Variants in ANO6 observed in about 807,000 individuals in gnomAD.
ANO6 encodes the protein anoctamin-6.
Under a neutral mutation model 117.5 loss-of-function variants are expected in ANO6, and 106 were observed. The observed-to-expected ratio is 0.90, with a 90% confidence interval of 0.77 to 1.06. ANO6 has a LOEUF of 1.06. ANO6 is among the 50% of genes least tolerant of loss of function. The probability of loss-of-function intolerance (pLI) is 0.00; values close to 1 mark genes in which losing one functional copy is unlikely to be tolerated. For missense variants in ANO6, 955 were observed against 1,121.1 expected, an observed-to-expected ratio of 0.85 and a Z score of 2.12; for synonymous variants, 367 against 385.1, an observed-to-expected ratio of 0.95 and a Z score of 0.55.
At chr12:45,216,474 C>A in intron 1 of ANO6, 83 bp downstream of exon 1, 1 of 1,483,982 alleles carries the variant, frequency 6.7e-7, no homozygotes, top group Non-Finnish European at 9.2e-7. Context: ...GGGCGCTGTG[C>A]TCTCCGCGGG....
intron 12 of ANO6, among the ~76,000 whole-genome samples, 170 bp downstream of exon 12, chr12:45,390,668 A>G (rs1942425027): frequency 6.6e-6 from 1 of 152,234 alleles, no homozygotes; most frequent in South Asian, 2.1e-4. Flanking sequence ...GCCACCACAT[A>G]GAGCAACTCC....
chr12:45,335,943 G>T (rs1940811438), intron 3 of ANO6, among the ~76,000 whole-genome samples: 1 of 151,872 alleles, frequency 6.6e-6, no homozygotes, highest in Admixed American at 6.6e-5. Flanking sequence ...GTCTACAAAT[G>T]ATGACAATTT....
chr12:45,270,199 C>T (rs928308476), intron 1 of ANO6, among the ~76,000 whole-genome samples: 4 of 152,184 alleles, frequency 2.6e-5, no homozygotes, highest in African/African-American at 9.7e-5. Context: ...CCACCTGAAA[C>T]GACCTTTCAG....
At chr12:45,360,150 A>G (rs760359216) in intron 8 of ANO6, among the ~76,000 whole-genome samples, 54 of 152,192 alleles carry the variant, frequency 3.5e-4, no homozygotes, top group Admixed American at 3.5e-3. Flanking sequence ...TATATTTGGG[A>G]TAGAAGTCTC....
At chr12:45,395,763 C>T (rs1185111913) in intron 12 of ANO6, among the ~76,000 whole-genome samples, 7 of 152,156 alleles carry the variant, frequency 4.6e-5, no homozygotes, top group Admixed American at 4.6e-4. Flanking sequence ...TCAATAGATG[C>T]AGAAAAGGCC....
At chr12:45,276,472 A>G (rs1592906706) in intron 1 of ANO6, among the ~76,000 whole-genome samples, 1 of 151,882 alleles carries the variant, frequency 6.6e-6, no homozygotes, top group African/African-American at 2.4e-5. Context: ...CTTCAGAACT[A>G]TGGTCTTGTT....
At chr12:45,406,345 A>G (rs2137646130) in intron 15 of ANO6, among the ~76,000 whole-genome samples, 1 of 152,322 alleles carries the variant, frequency 6.6e-6, no homozygotes, top group South Asian at 2.1e-4. Flanking sequence ...TAGTGTTTTG[A>G]TATTTAAGGT....
intron 1 of ANO6, among the ~76,000 whole-genome samples, chr12:45,274,630 G>C (rs1242480536): frequency 6.6e-6 from 1 of 151,766 alleles, no homozygotes; most frequent in Non-Finnish European, 1.5e-5. Flanking sequence ...CCTTTATACT[G>C]TCTGTAGTGG....
intron 1 of ANO6, among the ~76,000 whole-genome samples, chr12:45,224,336 C>A (rs183216832): frequency 7.9e-5 from 12 of 152,160 alleles, no homozygotes; most frequent in Non-Finnish European, 1.2e-4. Flanking sequence ...CTTGATACAC[C>A]CTGGCCTTAT....
chr12:45,220,514 C>T (rs761364890), intron 1 of ANO6, among the ~76,000 whole-genome samples: 1 of 152,154 alleles, frequency 6.6e-6, no homozygotes, highest in Non-Finnish European at 1.5e-5. Context: ...ATTGATTGAG[C>T]AATCCTTCTG....
At chr12:45,277,959 T>C (rs1366921507) in intron 1 of ANO6, among the ~76,000 whole-genome samples, 2 of 152,114 alleles carry the variant, frequency 1.3e-5, no homozygotes, top group Non-Finnish European at 2.9e-5. Flanking sequence ...AAAATTATTA[T>C]ATGTATTTTT....
chr12:45,264,669 C>T (rs895814341), intron 1 of ANO6, among the ~76,000 whole-genome samples: 1 of 152,168 alleles, frequency 6.6e-6, no homozygotes, highest in African/African-American at 2.4e-5. Flanking sequence ...TGGATACATA[C>T]ATATTTATGT....
intron 9 of ANO6, among the ~76,000 whole-genome samples, chr12:45,376,840 C>T (rs1259512805): frequency 6.9e-6 from 1 of 144,828 alleles, no homozygotes; most frequent in Non-Finnish European, 1.5e-5. Flanking sequence ...TACCCTAAAA[C>T]TTAAAGTATA....
chr12:45,289,217 A>T (rs1939017722), intron 1 of ANO6, among the ~76,000 whole-genome samples: 1 of 149,514 alleles, frequency 6.7e-6, no homozygotes, highest in African/African-American at 2.5e-5. Flanking sequence ...CCCAGGCTCA[A>T]GTGCAGGGGT....
chr12:45,267,914 A>G (rs1162904849), intron 1 of ANO6, among the ~76,000 whole-genome samples: 1 of 152,238 alleles, frequency 6.6e-6, no homozygotes, highest in Non-Finnish European at 1.5e-5. Context: ...CAGGTATATG[A>G]AAAGATAAGT....
chr12:45,224,408 GTATACATTATA>G (rs143745839), intron 1 of ANO6, among the ~76,000 whole-genome samples: 2,900 of 152,204 alleles, frequency 0.019, 97 homozygotes, highest in African/African-American at 0.066. Flanking sequence ...GTATAAATAT[GTATACATTATA>G]TATACATATG....
Position 45,429,286 on chromosome 12 carries a change from AC to A in ANO6, c.2709del (p.Asn903LysfsTer14). 6.2e-7 allele frequency: 1 copy of A among 1,613,720 alleles called. No homozygotes were observed. The highest frequency in any genetic ancestry group is 8.5e-7 in the Non-Finnish European group (1 of 1,179,820). ...IAERMIEAVD[N>X]NLRPKSE ...GAGCGGATGATAGAAGCAGTAGATAACAATTTACGGCCAAAATCAGAATAAG... is the reference window on the plus strand; with the variant it reads ...GAGCGGATGATAGAAGCAGTAGATAAAATTTACGGCCAAAATCAGAATAAG... On this transcript the variant is annotated frameshift_variant, in exon 20 of 20. Transcript: ENST00000320560. LOFTEE classifies it high-confidence loss of function.
At chr12:45,369,087 T>C (rs1941758447) in intron 9 of ANO6, among the ~76,000 whole-genome samples, 1 of 152,200 alleles carries the variant, frequency 6.6e-6, no homozygotes, top group Non-Finnish European at 1.5e-5. Flanking sequence ...TGAGAAATTG[T>C]TTCACTACTT....
chr12:45,428,823 G>A (rs1265637968), intron 19 of ANO6, among the ~76,000 whole-genome samples: 1 of 152,024 alleles, frequency 6.6e-6, no homozygotes, highest in Non-Finnish European at 1.5e-5. Flanking sequence ...GTTTAATGGA[G>A]GTTTTTTGAG....
Sources: allele counts gnomAD v4.1 joint callset (sites outside exome capture counted in the v4.1 genomes callset), GRCh38; gene constraint gnomAD v4.1.1; transcripts MANE v1.5; gene names NCBI Gene and HGNC (gene_info 2026-07-23, HGNC 2026-07-21).